The following ALS2CL variants were observed in gnomAD, a reference collection of about 807,000 sequenced individuals.
ALS2CL encodes ALS2 C-terminal-like protein.
In ALS2CL, 112 loss-of-function variants were observed where a neutral mutation model predicts 127.9. The observed-to-expected ratio is 0.88, with a 90% CI of 0.75 to 1.02. The LOEUF (loss-of-function observed/expected upper bound fraction) is 1.02, where lower values mean the gene tolerates loss of function less well. Ranked by LOEUF, ALS2CL falls within the 50% of genes least tolerant of loss-of-function variation. The probability of loss-of-function intolerance (pLI) is 0.00; values close to 1 mark genes in which losing one functional copy is unlikely to be tolerated. For synonymous variants in ALS2CL, 519 were observed against 527.6 expected (o/e 0.98, Z 0.22); for missense variants, 1,174 against 1,236.7 (o/e 0.95, Z 0.76).
At position 46,670,620 on chromosome 3, in the gene ALS2CL, C is replaced by T. The variant is rs113245918; in HGVS notation, c.*364G>A. 1.1e-3 allele frequency: 265 copies of T among 245,846 alleles called. 1 individual carries two copies. Among genetic ancestry groups the T allele is most frequent in the African/African-American group, 5.2e-3 (239 of 46,070 alleles). The allele number at this position is 245,846 out of a possible 1,614,324, so 15.2% of individuals were successfully genotyped here. On this transcript the variant is annotated 3_prime_UTR_variant, in exon 26 of 26. Transcript: ENST00000318962. The surrounding 1 kb of genome is among the most constrained non-coding windows in gnomAD (Gnocchi z 5.5). ...AAAATGAATGGAAGGTCCTTTACAG[C>T]GTACTCACTCCACCATTGTACAGAT... is the stretch of plus-strand genomic sequence containing the variant.
Position 46,682,043 on chromosome 3 carries a change from C to A in ALS2CL, c.1161G>T (p.Gln387His). 1 of 1,614,088 alleles carries A rather than the reference C, an allele frequency of 6.2e-7. No individual in the cohort carries two copies. The highest frequency in any genetic ancestry group is 8.5e-7 in the Non-Finnish European group (1 of 1,179,986). Residue 387 changes from glutamine (Q) to histidine (H), a missense_variant, in exon 11 of 26, where the codon CAG (glutamine) becomes CAT (histidine). Transcript: ENST00000318962. ...GCCAGCCTTACCCATGCTCCAGGCC[C>A]TGGCAGAAATTCCCCACGTGATTCC... ...DGRNHVGNFC[Q>H]GLEHGFGIRL...
chr3:46,689,926 C>T lies in ALS2CL; in HGVS notation c.-25-461G>A, dbSNP rs72899352. Among the ~76,000 whole-genome samples the T allele has an allele frequency of 8.2e-3, 1,254 of 152,296 alleles. 16 individuals are homozygous for T. The highest frequency in any genetic ancestry group is 0.028 in the African/African-American group (1,174 of 41,554). On this transcript the variant is annotated intron_variant, in intron 1 of 25. Transcript: ENST00000318962. ...CAGCCCTGTCCTCTAGCCCATGGTT[C>T]GGGACTCCCTGTCACCCAACCAGGC... is the stretch of plus-strand genomic sequence containing the variant.
rs777084201 is a variant in ALS2CL at position 46,689,352 on chromosome 3, G to T, written c.89C>A (p.Pro30His). 4 of 1,612,886 alleles carry T rather than the reference G, an allele frequency of 2.5e-6. No homozygotes were observed. The highest frequency in any genetic ancestry group is 2.5e-6 in the Non-Finnish European group (3 of 1,179,892). The part of the protein sequence containing the change: ...LAHVNSLVLQ[P>H]LLPAAPDPSD... ...CCTAGACTCACCGGCTGGGAGCAGG[G>T]GCTGGAGGACAAGGCTGTTGACATG... The change falls in exon 2 of 26, where the codon CCC becomes CAC. Residue 30 changes from proline (P) to histidine (H), a missense_variant. Physicochemically the swap from Pro to His is moderately conservative, Grantham distance 77 (BLOSUM62 -2). Coordinates refer to ENST00000318962, the MANE Select transcript of ALS2CL (RefSeq NM_147129.5).
rs758598560 is a variant in ALS2CL at position 46,674,705 on chromosome 3, T to C, written c.2290A>G (p.Met764Val). ...AGCTCTGAGTAGAAGCTGGGCAGCA[T>C]GAGGGGCAGCACCAATCCATGCACC... Reference protein sequence around the residue: ...LQVHGLVLPLMLPSFYSELFT... With the variant: ...LQVHGLVLPLVLPSFYSELFT... The change falls in exon 21 of 26, where the codon ATG becomes GTG. Residue 764 changes from methionine to valine, a missense_variant. By Grantham distance (21) the Met-to-Val change is conservative. Coordinates refer to ENST00000318962, the MANE Select transcript of ALS2CL (RefSeq NM_147129.5). 3.7e-6 allele frequency: 6 copies of C among 1,613,674 alleles called. No individual in the cohort carries two copies. The East Asian group carries it at 1.1e-4, about 30-fold the overall frequency.
At chr3:46,692,339 C>A (rs1432808163) in intron 1 of ALS2CL, among the ~76,000 whole-genome samples, 1 of 152,108 alleles carries the variant, frequency 6.6e-6, no homozygotes, top group Non-Finnish European at 1.5e-5. Flanking sequence ...GAGGATCCTG[C>A]AGGAGTACCC....
rs774696908 is a variant in ALS2CL, at chr3:46,681,470, C to T, written c.1274+30G>A. On this transcript the variant is annotated intron_variant, in intron 12 of 25. Transcript: ENST00000318962. The surrounding 1 kb of genome is among the most constrained non-coding windows in gnomAD (Gnocchi z 4.9). Reference sequence around the variant, plus strand: ...AGCTCAGCCCAGAGGATGGGCCCAGCCCATGAACCCCCCAGCCAGGGTCAC... The same window carrying T: ...AGCTCAGCCCAGAGGATGGGCCCAGTCCATGAACCCCCCAGCCAGGGTCAC... 1.2e-6 allele frequency: 2 copies of T among 1,613,760 alleles called. No homozygotes were observed. Among genetic ancestry groups the T allele is most frequent in the East Asian group, 2.2e-5 (1 of 44,898 alleles).
In ALS2CL at chr3:46,670,541, CAA is replaced by C. The variant is rs1363250297; in HGVS notation, c.*441_*442del. 1.7e-5 allele frequency: 3 copies of C among 174,218 alleles called. No individual in the cohort carries two copies. The highest frequency in any genetic ancestry group is 7.0e-5 in the African/African-American group (3 of 42,608). 10.8% of individuals were successfully genotyped at this position (174,218 alleles called of 1,614,324 possible). A position where few individuals can be genotyped will look rare whatever the true frequency, so the allele number is the denominator to read the frequency against. On this transcript the variant is annotated 3_prime_UTR_variant, in exon 26 of 26. Transcript: ENST00000318962. The surrounding 1 kb of genome is among the most constrained non-coding windows in gnomAD (Gnocchi z 5.5). ...GTGAGGCTTCGAGCCTGCCAGAGGTCAATACAGCCCAGCAGACTAAAGTCAGT... is the reference window on the plus strand; with the variant it reads ...GTGAGGCTTCGAGCCTGCCAGAGGTCTACAGCCCAGCAGACTAAAGTCAGT...
At position 46,685,629 on chromosome 3, in the gene ALS2CL, G is replaced by A; in HGVS notation, c.682C>T (p.Pro228Ser). Residue 228 changes from proline to serine, a missense_variant, in exon 7 of 26, where the codon CCT (proline) becomes TCT (serine). Transcript: ENST00000318962. ...RGRLRDVLCT[P>S]AHRLLQDSQD... ...CTGTCCTGAAGGAGTCTGTGAGCAG[G>A]GGTGCAGAGCACATCCTGGTGGGGC... The A allele has an allele frequency of 6.2e-7, 1 of 1,613,612 alleles. No individual in the cohort carries two copies. Among genetic ancestry groups the A allele is most frequent in the Non-Finnish European group, 8.5e-7 (1 of 1,179,866 alleles).
At position 46,686,249 on chromosome 3, in the gene ALS2CL, A is replaced by C; in HGVS notation, c.666+59T>G. On this transcript the variant is annotated intron_variant, in intron 6 of 25. Coordinates refer to ENST00000318962, the MANE Select transcript of ALS2CL (RefSeq NM_147129.5). The surrounding 1 kb of genome is among the most constrained non-coding windows in gnomAD (Gnocchi z 4.3). ...TACAGCAAGCAGCTCAAGCCCCCCA[A>C]CATCTCCATGCCCAATGTGGAACCC... 6.5e-7 allele frequency: 1 copy of C among 1,532,574 alleles called. No individual in the cohort carries two copies. Among genetic ancestry groups the C allele is most frequent in the South Asian group, 1.3e-5 (1 of 77,796 alleles). 94.9% of individuals were successfully genotyped at this position (1,532,574 alleles called of 1,614,324 possible).
chr3:46,673,662 C>T (rs1332467899), intron 21 of ALS2CL, among the ~76,000 whole-genome samples: 2 of 152,162 alleles, frequency 1.3e-5, no homozygotes, highest in Non-Finnish European at 2.9e-5. Flanking sequence ...CCAGGAGGCT[C>T]TGCTGAGCCA....
chr3:46,677,156 T>C (rs955723825), intron 16 of ALS2CL, 134 bp from the exon 17 acceptor site: 9 of 1,461,684 alleles, frequency 6.2e-6, no homozygotes, highest in Admixed American at 5.4e-5. Context: ...GGTGGATGGA[T>C]TGAACCATGC....
chr3:46,678,182 A>G (rs925294500), intron 16 of ALS2CL, 77 bp downstream of exon 16: 3 of 1,431,216 alleles, frequency 2.1e-6, no homozygotes, highest in Non-Finnish European at 2.8e-6. Context: ...GGCCCCTCTG[A>G]GGAGACCTGA....
chr3:46,673,412 T>A lies in ALS2CL; in HGVS notation c.2430-31A>T, dbSNP rs761419498. On this transcript the variant is annotated intron_variant, in intron 21 of 25. Coordinates refer to ENST00000318962, the MANE Select transcript of ALS2CL (RefSeq NM_147129.5). ...ATTGAAAAAGTGAGACAGGAGGCTC[T>A]GCCTCGACAAGGGGCAGAGTCTGAG... 8.4e-5 allele frequency: 130 copies of A among 1,553,796 alleles called. 1 individual carries two copies. In the Admixed American group the frequency reaches 1.7e-3, roughly 20 times the overall value.
At chr3:46,688,031 G>A (rs572188984) in intron 3 of ALS2CL, 67 bp downstream of exon 3, 11 of 1,567,340 alleles carry the variant, frequency 7.0e-6, no homozygotes, top group Non-Finnish European at 9.6e-6. Flanking sequence ...AACCCCAGGT[G>A]AACCTTAATG....
At chr3:46,691,502 G>C (rs1050161880) in intron 1 of ALS2CL, among the ~76,000 whole-genome samples, 1 of 152,000 alleles carries the variant, frequency 6.6e-6, no homozygotes, top group East Asian at 1.9e-4. Context: ...TCTGACCCTA[G>C]AGATAGCCTC....
At chr3:46,673,140 T>C (rs574712461) in intron 22 of ALS2CL, among the ~76,000 whole-genome samples, 199 bp downstream of exon 22, 1 of 152,312 alleles carries the variant, frequency 6.6e-6, no homozygotes, top group Non-Finnish European at 1.5e-5. Context: ...TAAGAACCTG[T>C]GTTTGAGCCT....
At chr3:46,680,716 G>A in intron 13 of ALS2CL, 175 bp from the exon 14 acceptor site, 1 of 612,162 alleles carries the variant, frequency 1.6e-6, no homozygotes, top group Non-Finnish European at 2.9e-6. Flanking sequence ...ATAGAGAATG[G>A]AGGAGGGAGG....
In ALS2CL at chr3:46,670,916, C is replaced by A. The variant is rs1456593467; in HGVS notation, c.*68G>T. 1 of 1,509,916 alleles carries A rather than the reference C, an allele frequency of 6.6e-7. No individual in the cohort carries two copies. Among genetic ancestry groups the A allele is most frequent in the African/African-American group, 1.4e-5 (1 of 72,654 alleles). 93.5% of individuals were successfully genotyped at this position (1,509,916 alleles called of 1,614,324 possible). On this transcript the variant is annotated 3_prime_UTR_variant, in exon 26 of 26. Coordinates refer to ENST00000318962, the MANE Select transcript of ALS2CL (RefSeq NM_147129.5). The surrounding 1 kb of genome is among the most constrained non-coding windows in gnomAD (Gnocchi z 5.5). The stretch of plus-strand genomic sequence containing the variant: ...TTCTGAGGGCCTGTCCTGCCCCTTG[C>A]CTTGGGTAATGAGGGACAGGCTGGC...
In ALS2CL at chr3:46,670,326, T is replaced by C. The variant is rs1698290528; in HGVS notation, c.*658A>G. 6.6e-6 allele frequency: 1 copy of C among 152,454 alleles called. No homozygotes were observed. The highest frequency in any genetic ancestry group is 1.5e-5 in the Non-Finnish European group (1 of 68,266). The allele number at this position is 152,454 out of a possible 1,614,324, so 9.4% of individuals were successfully genotyped here. ...TTGGTCAGGGCCCAGGCAGATGTCA[T>C]GTGCCCCTGTTGTCCCCACGCAGGC... On this transcript the variant is annotated 3_prime_UTR_variant, in exon 26 of 26. Transcript: ENST00000318962. This position sits in a 1 kb window ranked among gnomAD's most constrained non-coding sequence, Gnocchi z 5.5.
Sources: gnomAD v4.1 joint callset for allele counts (sites outside exome capture counted in the v4.1 genomes callset) on GRCh38, gnomAD v4.1.1 for gene constraint, Gnocchi (gnomAD v3.1) non-coding constraint, MANE v1.5 for transcripts, NCBI Gene and HGNC (gene_info 2026-07-23, HGNC 2026-07-21) for gene names.